RBPJ: variants seen among roughly 807,000 people sequenced by gnomAD.
RBPJ encodes the protein recombining binding protein suppressor of hairless.
A neutral mutation model predicts 67.8 loss-of-function variants in RBPJ; 9 were observed. The ratio of observed to expected loss-of-function variants is 0.13; its 90% CI spans 0.08 to 0.23. RBPJ has a LOEUF of 0.23. Ranked by LOEUF, RBPJ falls within the 10% of genes least tolerant of loss-of-function variation. The probability of loss-of-function intolerance (pLI) is 1.00; values close to 1 mark genes in which losing one functional copy is unlikely to be tolerated. For synonymous variants in RBPJ, 198 were observed against 203.3 expected (o/e 0.97, Z 0.22); for missense variants, 305 against 595.6 (o/e 0.51, Z 5.08).
chr4:26,388,728 A>G (rs753363881), intron 2 of RBPJ, among the ~76,000 whole-genome samples: 6 of 152,222 alleles, frequency 3.9e-5, no homozygotes, highest in Non-Finnish European at 7.3e-5. Flanking sequence ...AAACATGAAG[A>G]CATAGCAATA....
At chr4:26,155,613 T>G in the RBPJ span, among the ~76,000 whole-genome samples, 1 of 152,080 alleles carries the variant, frequency 6.6e-6, no homozygotes, top group Non-Finnish European at 1.5e-5. Context: ...TTTTGTATTT[T>G]TAGTAGAGGT....
intron 1 of RBPJ, among the ~76,000 whole-genome samples, chr4:26,214,664 AAGAAACAAGGGAGGGAGGAGAG>A (rs1718577558): frequency 1.4e-5 from 2 of 139,706 alleles, no homozygotes; most frequent in African/African-American, 5.7e-5. Flanking sequence ...AAAAGGAAGG[AAGAAACAAGGGAGGGAGGAGAG>A]AGGGAGGAAG....
At chr4:26,197,939 T>C (rs989451921) in intron 1 of RBPJ, among the ~76,000 whole-genome samples, 1 of 152,108 alleles carries the variant, frequency 6.6e-6, no homozygotes, top group Non-Finnish European at 1.5e-5. Flanking sequence ...ATATATTACT[T>C]TGTGTAATTT....
intron 1 of RBPJ, among the ~76,000 whole-genome samples, chr4:26,382,241 G>A (rs1298430313): frequency 6.6e-6 from 1 of 152,134 alleles, no homozygotes; most frequent in Non-Finnish European, 1.5e-5. Context: ...CTTCAAGATG[G>A]AGAGACAGTA....
At chr4:26,351,449 C>T (rs1451717768) in intron 1 of RBPJ, among the ~76,000 whole-genome samples, 1 of 152,158 alleles carries the variant, frequency 6.6e-6, no homozygotes, top group Non-Finnish European at 1.5e-5. Context: ...CGCCCAGGCT[C>T]AGCTCACGGC....
At chr4:26,292,316 A>G (rs1378947073) in intron 1 of RBPJ, among the ~76,000 whole-genome samples, 2 of 150,664 alleles carry the variant, frequency 1.3e-5, no homozygotes, top group Non-Finnish European at 3.0e-5. Flanking sequence ...ATCACACAGT[A>G]TTTGCCTTTC....
the RBPJ span, among the ~76,000 whole-genome samples, chr4:26,117,224 C>G: frequency 6.6e-6 from 1 of 152,004 alleles, no homozygotes; most frequent in Non-Finnish European, 1.5e-5. Flanking sequence ...ACTCCTGCCC[C>G]ATGCGGCTAC....
intron 1 of RBPJ, among the ~76,000 whole-genome samples, chr4:26,165,906 C>T (rs1398152187): frequency 6.9e-6 from 1 of 144,594 alleles, no homozygotes; most frequent in Non-Finnish European, 1.5e-5. Flanking sequence ...GTGATGTTCC[C>T]CTTCCTGTGT....
intron 1 of RBPJ, among the ~76,000 whole-genome samples, chr4:26,338,122 C>T (rs1184453646): frequency 5.7e-5 from 8 of 139,936 alleles, no homozygotes; most frequent in African/African-American, 2.1e-4. Context: ...CTCACCCTAA[C>T]ATTATGGAAA....
intron 1 of RBPJ, among the ~76,000 whole-genome samples, chr4:26,202,963 A>T (rs1267274494): frequency 1.4e-5 from 1 of 72,004 alleles, no homozygotes. Flanking sequence ...GAAAGGAAGG[A>T]AGGAAATAAG....
the RBPJ span, among the ~76,000 whole-genome samples, chr4:26,115,471 G>A: frequency 6.6e-6 from 1 of 151,822 alleles, no homozygotes; most frequent in African/African-American, 2.4e-5. Flanking sequence ...TGCAAGCTCC[G>A]CCTCCTGGGT....
At chr4:26,400,259 C>T (rs1732633635) in intron 2 of RBPJ, among the ~76,000 whole-genome samples, 1 of 152,124 alleles carries the variant, frequency 6.6e-6, no homozygotes, top group African/African-American at 2.4e-5. Flanking sequence ...TCACTCCATC[C>T]TCTTTCTTGA....
intron 1 of RBPJ, among the ~76,000 whole-genome samples, chr4:26,174,477 T>C (rs1056282674): frequency 2.0e-5 from 3 of 152,122 alleles, no homozygotes; most frequent in African/African-American, 7.2e-5. Flanking sequence ...TTTTTACTTA[T>C]TTATTTATTT....
intron 3 of RBPJ, among the ~76,000 whole-genome samples, chr4:26,413,643 G>A (rs1302936065): frequency 2.0e-5 from 3 of 152,118 alleles, no homozygotes; most frequent in Admixed American, 6.5e-5. Context: ...TTAGGGTTGA[G>A]CAAAAAGTAG....
chr4:26,245,202 T>C (rs71610887), intron 1 of RBPJ, among the ~76,000 whole-genome samples: 2 of 142,012 alleles, frequency 1.4e-5, no homozygotes, highest in African/African-American at 5.3e-5. Flanking sequence ...ATCACTATTG[T>C]ATTTTTTTTT....
chr4:26,333,562 AT>A (rs968771471), intron 1 of RBPJ, among the ~76,000 whole-genome samples: 4 of 150,858 alleles, frequency 2.7e-5, no homozygotes, highest in East Asian at 1.9e-4. Context: ...ATTAAAAAAA[AT>A]TTTTTTTTTG....
At chr4:26,214,950 C>T (rs914196157) in intron 1 of RBPJ, among the ~76,000 whole-genome samples, 9 of 36,846 alleles carry the variant, frequency 2.4e-4, no homozygotes, top group African/African-American at 1.3e-3. Flanking sequence ...GGAGGAAGGA[C>T]GGAAGGAAGG....
chr4:26,331,311 T>C (rs1724226633), intron 1 of RBPJ, among the ~76,000 whole-genome samples: 1 of 152,150 alleles, frequency 6.6e-6, no homozygotes, highest in South Asian at 2.1e-4. Flanking sequence ...GATCTTAAAC[T>C]TCTGGGCTTA....
chr4:26,168,301 G>A (rs1716402631), intron 1 of RBPJ, among the ~76,000 whole-genome samples: 1 of 152,002 alleles, frequency 6.6e-6, no homozygotes, highest in Admixed American at 6.6e-5. Context: ...TTGCTTGTCT[G>A]TAAAGTATTT....
Sources: gnomAD v4.1 joint callset for allele counts (sites outside exome capture counted in the v4.1 genomes callset) on GRCh38, gnomAD v4.1.1 for gene constraint, MANE v1.5 for transcripts, NCBI Gene and HGNC (gene_info 2026-07-23, HGNC 2026-07-21) for gene names.